Variants in TP63 observed in about 807,000 individuals in gnomAD.
TP63 encodes the protein tumor protein p63, also known as tumor protein 63.
A neutral mutation model predicts 82.8 loss-of-function variants in TP63; 17 were observed. The ratio of observed to expected loss-of-function variants is 0.21; its 90% CI spans 0.14 to 0.31. The LOEUF is 0.31. TP63 is among the 10% of genes least tolerant of loss of function. The probability of loss-of-function intolerance (pLI) is 1.00; values close to 1 mark genes in which losing one functional copy is unlikely to be tolerated. For missense variants in TP63, 648 were observed against 895.3 expected, an observed-to-expected ratio of 0.72 and a Z score of 3.52; for synonymous variants, 330 against 321.7, an observed-to-expected ratio of 1.03 and a Z score of -0.28.
At chr3:189,611,398 G>C in the TP63 span, among the ~76,000 whole-genome samples, 2 of 152,152 alleles carry the variant, frequency 1.3e-5, no homozygotes, top group African/African-American at 4.8e-5. Flanking sequence ...TTTTGAGTAG[G>C]TTGTCTTTTC....
At chr3:189,682,094 G>A (rs1715963107) in intron 1 of TP63, among the ~76,000 whole-genome samples, 1 of 152,108 alleles carries the variant, frequency 6.6e-6, no homozygotes, top group African/African-American at 2.4e-5. Flanking sequence ...TTAGCTAGGT[G>A]TGGTGGTACA....
chr3:189,707,668 G>C (rs1233785931), intron 1 of TP63, among the ~76,000 whole-genome samples: 1 of 152,024 alleles, frequency 6.6e-6, no homozygotes, highest in African/African-American at 2.4e-5. Context: ...CCTAGAAAAT[G>C]ATTACTTTAA....
At chr3:189,866,645 T>C in intron 5 of TP63, 37 bp from the exon 6 acceptor site, 3 of 1,573,898 alleles carry the variant, frequency 1.9e-6, no homozygotes, top group South Asian at 2.2e-5. Context: ...ATTTTTAAGG[T>C]AAAGAACTAA....
rs932571214 is a variant in TP63, at chr3:189,678,062, A to G, written c.62+46485A>G. Reference sequence around the variant, plus strand: ...GTTCTGCAGATTGTCTGTTCACTCTATATTTCTTTTGCTGTGCAGAAGGTT... The same window carrying G: ...GTTCTGCAGATTGTCTGTTCACTCTGTATTTCTTTTGCTGTGCAGAAGGTT... On this transcript the variant is annotated intron_variant, in intron 1 of 13. Transcript: ENST00000264731. Among the ~76,000 whole-genome samples the G allele has an allele frequency of 1.1e-4, 16 of 151,602 alleles. No individual in the cohort carries two copies. In the East Asian group the frequency reaches 2.7e-3, roughly 26 times the overall value.
intron 1 of TP63, 152 bp downstream of exon 1, chr3:189,631,729 T>C: frequency 6.6e-7 from 1 of 1,518,938 alleles, no homozygotes; most frequent in Non-Finnish European, 8.9e-7. Flanking sequence ...AAGTGGTCTG[T>C]GGACATATTT....
chr3:189,608,755 A>G, the TP63 span, among the ~76,000 whole-genome samples: 1 of 152,036 alleles, frequency 6.6e-6, no homozygotes, highest in African/African-American at 2.4e-5. Context: ...TTACCCAAAC[A>G]CTAAGCCCCC....
intron 1 of TP63, among the ~76,000 whole-genome samples, chr3:189,716,925 A>G (rs1264459010): frequency 6.6e-6 from 1 of 151,932 alleles, no homozygotes; most frequent in African/African-American, 2.4e-5. Flanking sequence ...CAGCCTCCCA[A>G]GTAGCTGGGA....
At chr3:189,607,774 T>TG in the TP63 span, among the ~76,000 whole-genome samples, 1 of 152,108 alleles carries the variant, frequency 6.6e-6, no homozygotes, top group Non-Finnish European at 1.5e-5. Context: ...CATAGAACAG[T>TG]GGATAGGTAT....
At chr3:189,830,261 G>A (rs1712118501) in intron 4 of TP63, among the ~76,000 whole-genome samples, 2 of 152,158 alleles carry the variant, frequency 1.3e-5, no homozygotes, top group South Asian at 2.1e-4. Context: ...GTCTGCCAGA[G>A]TTCCTGATAC....
chr3:189,820,586 A>G (rs1354292192), intron 4 of TP63, among the ~76,000 whole-genome samples: 2 of 152,230 alleles, frequency 1.3e-5, no homozygotes, highest in Non-Finnish European at 2.9e-5. Context: ...GGACAAAAGG[A>G]GAAAGGGGAA....
intron 4 of TP63, among the ~76,000 whole-genome samples, chr3:189,813,772 C>T (rs1727851096): frequency 6.6e-6 from 1 of 152,114 alleles, no homozygotes; most frequent in Non-Finnish European, 1.5e-5. Flanking sequence ...ACACAGTAAA[C>T]CTTTAATAAA....
At chr3:189,722,358 C>T (rs770815170) in intron 1 of TP63, among the ~76,000 whole-genome samples, 1 of 152,168 alleles carries the variant, frequency 6.6e-6, no homozygotes. Flanking sequence ...AGGATAAGCG[C>T]GTCTTTAGTG....
At chr3:189,717,977 T>TG (rs1719088595) in intron 1 of TP63, among the ~76,000 whole-genome samples, 1 of 152,154 alleles carries the variant, frequency 6.6e-6, no homozygotes, top group Non-Finnish European at 1.5e-5. Context: ...GAATCTAAAA[T>TG]GGAAAATTAT....
intron 1 of TP63, among the ~76,000 whole-genome samples, chr3:189,695,258 C>T (rs920593577): frequency 2.0e-5 from 3 of 152,110 alleles, no homozygotes; most frequent in Non-Finnish European, 4.4e-5. Flanking sequence ...TTTATTTCCT[C>T]GCTCCATTGC....
At chr3:189,637,985 A>C (rs557445853) in intron 1 of TP63, among the ~76,000 whole-genome samples, 2 of 152,292 alleles carry the variant, frequency 1.3e-5, no homozygotes, top group South Asian at 4.1e-4. Context: ...GAAGTGGGTC[A>C]GGAGCCAAGG....
At chr3:189,728,671 G>A (rs180729801) in intron 1 of TP63, among the ~76,000 whole-genome samples, 1 of 152,256 alleles carries the variant, frequency 6.6e-6, no homozygotes, top group Admixed American at 6.5e-5. Flanking sequence ...GTGCATGGCT[G>A]GGGGAGGCCT....
chr3:189,764,410 G>A (rs1722789991), intron 3 of TP63, among the ~76,000 whole-genome samples: 1 of 152,174 alleles, frequency 6.6e-6, no homozygotes, highest in South Asian at 2.1e-4. Context: ...GATTACAGGT[G>A]TCTTCATCAG....
chr3:189,692,549 A>T (rs1328390691), intron 1 of TP63, among the ~76,000 whole-genome samples: 5 of 152,186 alleles, frequency 3.3e-5, no homozygotes, highest in Non-Finnish European at 7.3e-5. Flanking sequence ...CAGTGAAAAA[A>T]TATAGCTTTT....
chr3:189,739,271 A>T (rs1720810092), intron 3 of TP63, among the ~76,000 whole-genome samples: 1 of 152,100 alleles, frequency 6.6e-6, no homozygotes, highest in South Asian at 2.1e-4. Flanking sequence ...ATGCACCACC[A>T]CACCTGGCTA....
Sources: allele counts gnomAD v4.1 joint callset (sites outside exome capture counted in the v4.1 genomes callset), GRCh38; gene constraint gnomAD v4.1.1; transcripts MANE v1.5; gene names NCBI Gene and HGNC (gene_info 2026-07-23, HGNC 2026-07-21).